Variants in H2AZ1 observed in about 807,000 individuals in gnomAD.
H2AZ1 encodes the protein histone H2A.Z.
A neutral mutation model predicts 16.6 loss-of-function variants in H2AZ1; 3 were observed. The ratio of observed to expected loss-of-function variants is 0.18; its 90% CI spans 0.08 to 0.47. H2AZ1 has a LOEUF of 0.47. Ranked by LOEUF, H2AZ1 falls within the 20% of genes least tolerant of loss-of-function variation. H2AZ1 has a pLI of 0.98. For missense variants in H2AZ1, 27 were observed against 163.6 expected (o/e 0.17, Z 4.55); for synonymous variants, 78 against 60.7 (o/e 1.28, Z -1.32).
intron 3 of H2AZ1, 101 bp from the exon 4 acceptor site, chr4:99,949,041 G>A (rs1727206253): frequency 1.3e-6 from 1 of 785,596 alleles, no homozygotes; most frequent in Non-Finnish European, 2.2e-6. Flanking sequence ...AACTGGAATC[G>A]TTCCTCACTA....
In H2AZ1 at chr4:99,950,224, C is replaced by T; in HGVS notation, c.-54G>A. The T allele has an allele frequency of 6.3e-7, 1 of 1,582,022 alleles. No individual in the cohort carries two copies. Among genetic ancestry groups the T allele is most frequent in the East Asian group, 2.2e-5 (1 of 44,644 alleles). On this transcript the variant is annotated 5_prime_UTR_variant, in exon 1 of 5. Transcript: ENST00000296417. Reference sequence around the variant, plus strand: ...AAGGCAGAGAAAAGGCTAATCGGACCCACGGTGAGATCCCACCACCTACTC... The same window carrying T: ...AAGGCAGAGAAAAGGCTAATCGGACTCACGGTGAGATCCCACCACCTACTC...
At position 99,949,389 on chromosome 4, in the gene H2AZ1, T is replaced by TAA. The variant is rs931085883; in HGVS notation, c.82-5_82-4dup. 1 of 1,562,742 alleles carries TAA rather than the reference T, an allele frequency of 6.4e-7. No individual in the cohort carries two copies. The highest frequency in any genetic ancestry group is 8.8e-7 in the Non-Finnish European group (1 of 1,133,536). On this transcript the variant is annotated splice_polypyrimidine_tract_variant and splice_region_variant and intron_variant, in intron 2 of 4. Coordinates refer to ENST00000296417, the MANE Select transcript of H2AZ1 (RefSeq NM_002106.4). ...CGATGAATACGGCCCACTGGGAACT[T>TAA]AAATTTTAAGCATACACAAACATAA...
chr4:99,949,453 G>T, intron 2 of H2AZ1, 67 bp from the exon 3 acceptor site: 1 of 1,126,020 alleles, frequency 8.9e-7, no homozygotes, highest in Non-Finnish European at 1.4e-6. Flanking sequence ...GAAATTATAT[G>T]CGCGCCAAAG....
At chr4:99,949,111 G>A (rs1462845582) in intron 3 of H2AZ1, 162 bp downstream of exon 3, 2 of 667,114 alleles carry the variant, frequency 3.0e-6, no homozygotes, top group Non-Finnish European at 2.7e-6. Context: ...GAGAACTCAA[G>A]CTCAGTAGGA....
At chr4:99,949,208 C>T in intron 3 of H2AZ1, 65 bp downstream of exon 3, 1 of 962,950 alleles carries the variant, frequency 1.0e-6, no homozygotes. Context: ...TCACTTTCCT[C>T]CTTCCCTCTT....
intron 3 of H2AZ1, 56 bp downstream of exon 3, chr4:99,949,216 CT>C: frequency 9.4e-7 from 1 of 1,059,382 alleles, no homozygotes; most frequent in Non-Finnish European, 1.4e-6. Context: ...CTCCTTCCCT[CT>C]TGCCGCCTCC....
intron 1 of H2AZ1, 165 bp from the exon 2 acceptor site, chr4:99,949,905 C>A (rs1423284913): frequency 1.5e-5 from 3 of 204,944 alleles, no homozygotes; most frequent in Non-Finnish European, 2.5e-5. Flanking sequence ...CGCCCGTTCG[C>A]CCCCCGCCGC....
At position 99,949,259 on chromosome 4, in the gene H2AZ1, G is replaced by A; in HGVS notation, c.195+14C>T. The A allele has an allele frequency of 6.8e-7, 1 of 1,478,650 alleles. No homozygotes were observed. Among genetic ancestry groups the A allele is most frequent in the Non-Finnish European group, 9.4e-7 (1 of 1,063,352 alleles). The allele number at this position is 1,478,650 out of a possible 1,614,324, so 91.6% of individuals were successfully genotyped here. A position where few individuals can be genotyped will look rare whatever the true frequency, so the allele number is the denominator to read the frequency against. ...CCCAAACCTTCTCCGGATTATAGGC[G>A]TTCACCCATTTACCTCTGCGGTGAG... On this transcript the variant is annotated intron_variant, in intron 3 of 4. Transcript: ENST00000296417.
At chr4:99,949,859 G>C (rs935171446) in intron 1 of H2AZ1, 119 bp from the exon 2 acceptor site, 2 of 494,996 alleles carry the variant, frequency 4.0e-6, no homozygotes. Context: ...CACCCTGCCG[G>C]GGTCTCCGGC....
chr4:99,948,416 GTTAGAGTAT>G lies in H2AZ1; in HGVS notation c.*37_*45del. ...CTGGAATCACCAACACTGGACAGCT[GTTAGAGTAT>G]TTAGAGTCCTGAGATAACAAGGAAT... On this transcript the variant is annotated 3_prime_UTR_variant, in exon 5 of 5. Transcript: ENST00000296417. 9.3e-7 allele frequency: 1 copy of G among 1,079,422 alleles called. No individual in the cohort carries two copies. The highest frequency in any genetic ancestry group is 1.2e-5 in the South Asian group (1 of 80,354). 66.9% of individuals were successfully genotyped at this position (1,079,422 alleles called of 1,614,324 possible). A position where few individuals can be genotyped will look rare whatever the true frequency, so the allele number is the denominator to read the frequency against.
chr4:99,949,961 G>A (rs1343670155), intron 1 of H2AZ1: 3 of 263,884 alleles, frequency 1.1e-5, no homozygotes, highest in African/African-American at 4.6e-5. Context: ...CCCCAGCGGC[G>A]CTGCGCGCGC....
chr4:99,950,065 G>T, intron 1 of H2AZ1, 103 bp downstream of exon 1: 2 of 1,101,378 alleles, frequency 1.8e-6, no homozygotes, highest in Non-Finnish European at 2.7e-6. Flanking sequence ...CTGTCTCCGC[G>T]CGTTCCCAAC....
Position 99,949,191 on chromosome 4 carries a change from T to C in H2AZ1, c.195+82A>G. 8 of 832,464 alleles carry C rather than the reference T, an allele frequency of 9.6e-6. 1 individual carries two copies. The South Asian group carries it at 1.3e-4, about 13-fold the overall frequency. The allele number at this position is 832,464 out of a possible 1,614,324, so 51.6% of individuals were successfully genotyped here. A position where few individuals can be genotyped will look rare whatever the true frequency, so the allele number is the denominator to read the frequency against. On this transcript the variant is annotated intron_variant, in intron 3 of 4. Transcript: ENST00000296417. ...CGCCGCGTTCAGGGCCTGGGAGTTT[T>C]CTTGCATCACTTTCCTCCTTCCCTC... is the stretch of plus-strand genomic sequence containing the variant.
chr4:99,949,652 C>T lies in H2AZ1; in HGVS notation c.81+11G>A. On this transcript the variant is annotated intron_variant, in intron 2 of 4. Coordinates refer to ENST00000296417, the MANE Select transcript of H2AZ1 (RefSeq NM_002106.4). ...CATCATGACTCCCAGACTGCACGAA[C>T]AACTACTGACCTGCAAGCCGGCTCT... 1 of 1,610,700 alleles carries T rather than the reference C, an allele frequency of 6.2e-7. No homozygotes were observed.
rs1727202208 is a variant in H2AZ1 at position 99,948,801 on chromosome 4, G to C, written c.325+10C>G. 2.5e-6 allele frequency: 4 copies of C among 1,598,338 alleles called. No homozygotes were observed. The highest frequency in any genetic ancestry group is 3.4e-6 in the Non-Finnish European group (4 of 1,172,704). On this transcript the variant is annotated intron_variant, in intron 4 of 4. Transcript: ENST00000296417. ...GAAGAAATTTTTTAAAATGTTAGAA[G>C]TTAACATACCACCACCAGCAATTGT...
chr4:99,949,057 C>A (rs906087762), intron 3 of H2AZ1, 117 bp from the exon 4 acceptor site: 7 of 749,746 alleles, frequency 9.3e-6, no homozygotes, highest in Non-Finnish European at 1.4e-5. Flanking sequence ...CACTATCTGA[C>A]TGGCAAGATA....
intron 1 of H2AZ1, 60 bp downstream of exon 1, chr4:99,950,108 C>T: frequency 6.3e-7 from 1 of 1,577,516 alleles, no homozygotes; most frequent in Non-Finnish European, 8.7e-7. Context: ...CTCTGTGTAA[C>T]GGGTTTTTCT....
chr4:99,948,322 T>G lies in H2AZ1; in HGVS notation c.*140A>C. The G allele has an allele frequency of 1.4e-6, 1 of 738,612 alleles. No homozygotes were observed. Among genetic ancestry groups the G allele is most frequent in the East Asian group, 2.5e-5 (1 of 39,742 alleles). The allele number at this position is 738,612 out of a possible 1,614,324, so 45.8% of individuals were successfully genotyped here. A position where few individuals can be genotyped will look rare whatever the true frequency, so the allele number is the denominator to read the frequency against. ...AAATTTGGTTGGTTGGAAAGCTAAT[T>G]AAACTTCCAACTTGCTCAAATAGAA... On this transcript the variant is annotated 3_prime_UTR_variant, in exon 5 of 5. Transcript: ENST00000296417.
chr4:99,949,855 G>T, intron 1 of H2AZ1, 115 bp from the exon 2 acceptor site: 1 of 547,752 alleles, frequency 1.8e-6, no homozygotes, highest in Non-Finnish European at 2.7e-6. Flanking sequence ...CCCGCACCCT[G>T]CCGGGGTCTC....
Sources: gnomAD v4.1 joint callset for allele counts on GRCh38, gnomAD v4.1.1 for gene constraint, MANE v1.5 for transcripts, NCBI Gene and HGNC (gene_info 2026-07-23, HGNC 2026-07-21) for gene names.